Variants in HPSE2 observed in about 807,000 individuals in gnomAD.
HPSE2 encodes inactive heparanase-2.
In HPSE2, 38 loss-of-function variants were observed where a neutral mutation model predicts 60.5. The observed-to-expected ratio is 0.63, with a 90% CI of 0.48 to 0.82. The LOEUF (loss-of-function observed/expected upper bound fraction) is 0.82. Among genes scored for constraint, HPSE2 ranks in the 40% least tolerant of loss-of-function variants. The pLI, the probability that HPSE2 is intolerant of heterozygous loss-of-function variation, is 0.00. For synonymous variants in HPSE2, 295 were observed against 293.2 expected (o/e 1.01, Z -0.06); for missense variants, 713 against 740.4 (o/e 0.96, Z 0.43).
intron 9 of HPSE2, among the ~76,000 whole-genome samples, chr10:98,513,170 T>C (rs1942477211): frequency 6.6e-6 from 1 of 152,238 alleles, no homozygotes; most frequent in African/African-American, 2.4e-5. Flanking sequence ...TATGAGGGCC[T>C]TGAGGTATCT....
chr10:98,947,436 CAGA>C (rs761287094), intron 3 of HPSE2, among the ~76,000 whole-genome samples: 3 of 152,094 alleles, frequency 2.0e-5, no homozygotes, highest in Non-Finnish European at 4.4e-5. Context: ...TTGATAATTT[CAGA>C]AGGAGATGTG....
intron 9 of HPSE2, among the ~76,000 whole-genome samples, chr10:98,493,146 A>T (rs1381471989): frequency 1.3e-5 from 2 of 152,178 alleles, no homozygotes; most frequent in Non-Finnish European, 2.9e-5. Context: ...ATATGTCAGA[A>T]TTTTCTTCTT....
At chr10:98,499,890 A>G (rs1329031731) in intron 9 of HPSE2, among the ~76,000 whole-genome samples, 3 of 152,260 alleles carry the variant, frequency 2.0e-5, no homozygotes, top group Non-Finnish European at 4.4e-5. Context: ...CAGACAAAAC[A>G]AACTTTAAAG....
chr10:98,556,939 G>T (rs774173468), intron 9 of HPSE2, among the ~76,000 whole-genome samples: 2 of 152,130 alleles, frequency 1.3e-5, no homozygotes, highest in Non-Finnish European at 2.9e-5. Flanking sequence ...GTCCAGGCAC[G>T]GTGGCTCACA....
At chr10:98,700,122 C>T (rs1163439262) in intron 5 of HPSE2, among the ~76,000 whole-genome samples, 4 of 151,388 alleles carry the variant, frequency 2.6e-5, no homozygotes, top group African/African-American at 9.7e-5. Flanking sequence ...TGACTTTCTT[C>T]ACAGAATTGG....
intron 3 of HPSE2, among the ~76,000 whole-genome samples, chr10:99,057,335 G>A (rs1007905759): frequency 1.3e-5 from 2 of 152,082 alleles, no homozygotes; most frequent in African/African-American, 4.8e-5. Context: ...TGCCTTACCT[G>A]AACCAAACTA....
chr10:99,181,421 A>AAAAAAAAAAAAAAAAAAAAG (rs1847772702), intron 2 of HPSE2, among the ~76,000 whole-genome samples: 1 of 138,138 alleles, frequency 7.2e-6, no homozygotes, highest in African/African-American at 2.7e-5. Flanking sequence ...AAAAAAAAAA[A>AAAAAAAAAAAAAAAAAAAAG]GACACACGCA....
intron 9 of HPSE2, among the ~76,000 whole-genome samples, chr10:98,573,265 AC>A (rs1944549314): frequency 6.6e-6 from 1 of 152,238 alleles, no homozygotes; most frequent in Admixed American, 6.5e-5. Flanking sequence ...GAACTCTAGA[AC>A]CAGCCAAACA....
chr10:98,467,413 C>G (rs1940581754), intron 11 of HPSE2, among the ~76,000 whole-genome samples: 2 of 152,050 alleles, frequency 1.3e-5, no homozygotes, highest in African/African-American at 4.8e-5. Flanking sequence ...AGGCTTGGGA[C>G]ATGAAATGTG....
intron 3 of HPSE2, among the ~76,000 whole-genome samples, chr10:99,050,725 T>G (rs972498834): frequency 6.6e-6 from 1 of 152,114 alleles, no homozygotes; most frequent in African/African-American, 2.4e-5. Flanking sequence ...TGGGTGAACC[T>G]GGAGGTCATT....
chr10:99,066,574 T>C (rs547466373), intron 3 of HPSE2, among the ~76,000 whole-genome samples: 1 of 152,248 alleles, frequency 6.6e-6, no homozygotes, highest in Non-Finnish European at 1.5e-5. Context: ...GCAGGCAAGA[T>C]AACTTGTTCA....
At chr10:98,623,801 G>C (rs1010083388) in intron 7 of HPSE2, among the ~76,000 whole-genome samples, 3 of 152,006 alleles carry the variant, frequency 2.0e-5, no homozygotes, top group East Asian at 1.9e-4. Context: ...AAGGTCTAGA[G>C]TATCTTTGAT....
At chr10:99,234,522 C>T (rs895181904) in intron 1 of HPSE2, among the ~76,000 whole-genome samples, 1 of 152,228 alleles carries the variant, frequency 6.6e-6, no homozygotes, top group Non-Finnish European at 1.5e-5. Context: ...AAACTCAACA[C>T]TTGGATTCGA....
At chr10:99,152,365 C>T (rs907569393) in intron 2 of HPSE2, among the ~76,000 whole-genome samples, 5 of 146,484 alleles carry the variant, frequency 3.4e-5, no homozygotes, top group African/African-American at 1.3e-4. Context: ...ACCTGCAACA[C>T]AAGAAATATT....
At chr10:99,188,569 C>G (rs1848113176) in intron 2 of HPSE2, among the ~76,000 whole-genome samples, 1 of 152,090 alleles carries the variant, frequency 6.6e-6, no homozygotes, top group South Asian at 2.1e-4. Context: ...ACTAAATATA[C>G]TGGAAACAAC....
intron 3 of HPSE2, among the ~76,000 whole-genome samples, chr10:99,056,256 C>A: frequency 6.6e-6 from 1 of 151,816 alleles, no homozygotes. Context: ...AAAATTAACT[C>A]ATGAAAAAAC....
chr10:99,124,040 A>C (rs1845068127), intron 3 of HPSE2, among the ~76,000 whole-genome samples: 1 of 152,100 alleles, frequency 6.6e-6, no homozygotes, highest in Middle Eastern at 3.2e-3. Context: ...AGCCTTCAGC[A>C]AAAAGGGGAC....
intron 3 of HPSE2, among the ~76,000 whole-genome samples, chr10:98,828,186 T>G (rs560772529): frequency 1.3e-5 from 2 of 152,346 alleles, no homozygotes; most frequent in African/African-American, 4.8e-5. Flanking sequence ...CTATTGGTTC[T>G]GTTTCTCTGT....
intron 3 of HPSE2, among the ~76,000 whole-genome samples, chr10:98,955,912 C>T (rs895267206): frequency 2.0e-5 from 3 of 151,996 alleles, no homozygotes; most frequent in African/African-American, 7.3e-5. Flanking sequence ...ACAACAAGAA[C>T]ACATGGACAC....
Sources: allele counts gnomAD v4.1 joint callset (sites outside exome capture counted in the v4.1 genomes callset), GRCh38; gene constraint gnomAD v4.1.1; transcripts MANE v1.5; gene names NCBI Gene and HGNC (gene_info 2026-07-23, HGNC 2026-07-21).